SLC39A9: variants seen among roughly 807,000 people sequenced by gnomAD.
SLC39A9 encodes solute carrier family 39 member 9.
A neutral mutation model predicts 28.4 loss-of-function variants in SLC39A9; 14 were observed. That is an observed-to-expected ratio of 0.49 (90% CI 0.33 to 0.77). SLC39A9 has a LOEUF of 0.77. Among genes scored for constraint, SLC39A9 ranks in the 30% least tolerant of loss-of-function variants. The probability of loss-of-function intolerance (pLI) is 0.02; values close to 1 mark genes in which losing one functional copy is unlikely to be tolerated. For synonymous variants in SLC39A9, 119 were observed against 149.6 expected, an observed-to-expected ratio of 0.80 and a Z score of 1.49; for missense variants, 283 against 381.1, an observed-to-expected ratio of 0.74 and a Z score of 2.14.
intron 2 of SLC39A9, among the ~76,000 whole-genome samples, chr14:69,435,039 A>G (rs796231778): frequency 1.2e-4 from 19 of 152,334 alleles, no homozygotes; most frequent in African/African-American, 3.8e-4. Context: ...CGTTCCATGC[A>G]CACTTGAAAA....
intron 2 of SLC39A9, among the ~76,000 whole-genome samples, chr14:69,436,371 C>T (rs975464018): frequency 1.3e-5 from 2 of 152,082 alleles, no homozygotes; most frequent in South Asian, 2.1e-4. Context: ...TTGTCTTTTC[C>T]CTCGGTAATT....
At chr14:69,435,332 G>A (rs955711866) in intron 2 of SLC39A9, among the ~76,000 whole-genome samples, 5 of 152,282 alleles carry the variant, frequency 3.3e-5, no homozygotes, top group African/African-American at 1.2e-4. Flanking sequence ...TTGTTCACAA[G>A]TCTACTTCAT....
chr14:69,434,906 C>T (rs957759403), intron 2 of SLC39A9, among the ~76,000 whole-genome samples: 2 of 152,082 alleles, frequency 1.3e-5, no homozygotes, highest in African/African-American at 4.8e-5. Flanking sequence ...GCCCCCGATT[C>T]TTTCTGTTAC....
intron 2 of SLC39A9, among the ~76,000 whole-genome samples, chr14:69,440,075 G>A (rs529359475): frequency 4.3e-4 from 65 of 152,238 alleles, no homozygotes; most frequent in South Asian, 2.5e-3. Context: ...TCTTCACAAG[G>A]CCGCGGGAAG....
chr14:69,443,344 G>A (rs958441573), intron 3 of SLC39A9, among the ~76,000 whole-genome samples: 1 of 152,240 alleles, frequency 6.6e-6, no homozygotes. Flanking sequence ...ACTGTTAGAT[G>A]CAGAGCTACT....
At chr14:69,437,584 T>C (rs981133184) in intron 2 of SLC39A9, among the ~76,000 whole-genome samples, 1 of 151,050 alleles carries the variant, frequency 6.6e-6, no homozygotes, top group African/African-American at 2.4e-5. Flanking sequence ...TTAAAGAAGT[T>C]TTTTTGTTTG....
At chr14:69,452,963 T>C (rs1566925518) in intron 3 of SLC39A9, among the ~76,000 whole-genome samples, 2 of 152,084 alleles carry the variant, frequency 1.3e-5, no homozygotes, top group South Asian at 4.2e-4. Context: ...TCTGTTAAGG[T>C]AGGGCTGAGT....
chr14:69,455,638 G>A, intron 5 of SLC39A9, 94 bp from the exon 6 acceptor site: 1 of 1,526,440 alleles, frequency 6.6e-7, no homozygotes, highest in East Asian at 2.3e-5. Flanking sequence ...GTTTTTCTTT[G>A]TATGAGAAAT....
intron 3 of SLC39A9, among the ~76,000 whole-genome samples, chr14:69,445,274 CCT>C (rs1486889610): frequency 1.3e-5 from 2 of 152,044 alleles, no homozygotes; most frequent in African/African-American, 4.8e-5. Flanking sequence ...CTCTGCCACC[CCT>C]GAGACAGCAA....
intron 2 of SLC39A9, among the ~76,000 whole-genome samples, chr14:69,441,523 C>T (rs1465643242): frequency 6.6e-6 from 1 of 152,148 alleles, no homozygotes; most frequent in Non-Finnish European, 1.5e-5. Context: ...AAGGATGTGC[C>T]TCTTAAACTG....
intron 2 of SLC39A9, among the ~76,000 whole-genome samples, chr14:69,427,471 C>T (rs1158193328): frequency 2.0e-5 from 3 of 152,180 alleles, no homozygotes; most frequent in Admixed American, 2.0e-4. Context: ...ATCATTCACA[C>T]TTTAGGTGTA....
At chr14:69,416,753 G>A (rs1392055384) in intron 1 of SLC39A9, among the ~76,000 whole-genome samples, 4 of 152,116 alleles carry the variant, frequency 2.6e-5, no homozygotes, top group African/African-American at 4.8e-5. Context: ...TGTGTCTGTT[G>A]GCTGCATAAA....
rs1198352300 is a variant in SLC39A9 at position 69,459,646 on chromosome 14, C to T, written c.*1053C>T. ...GTCAGCTTTGGCGACACTGTGTCTT[C>T]TCACATAACCACCTGTAGCAAGATG... On this transcript the variant is annotated 3_prime_UTR_variant, in exon 7 of 7. Coordinates refer to ENST00000336643, the MANE Select transcript of SLC39A9 (RefSeq NM_018375.5). The T allele has an allele frequency of 1.0e-5, 10 of 983,844 alleles. No homozygotes were observed. The highest frequency in any genetic ancestry group is 1.2e-5 in the Non-Finnish European group (10 of 829,602). 60.9% of individuals were successfully genotyped at this position (983,844 alleles called of 1,614,324 possible).
chr14:69,442,429 G>C (rs930496961), intron 3 of SLC39A9, among the ~76,000 whole-genome samples, 163 bp downstream of exon 3: 1 of 152,210 alleles, frequency 6.6e-6, no homozygotes, highest in Non-Finnish European at 1.5e-5. Context: ...GAGCTAGTGA[G>C]TTGTGGCATG....
At chr14:69,431,648 G>T (rs1884500077) in intron 2 of SLC39A9, among the ~76,000 whole-genome samples, 1 of 151,608 alleles carries the variant, frequency 6.6e-6, no homozygotes, top group African/African-American at 2.4e-5. Flanking sequence ...GAGGTTTGGG[G>T]TACAAATGAT....
intron 1 of SLC39A9, among the ~76,000 whole-genome samples, chr14:69,413,379 A>G (rs1431965259): frequency 6.6e-6 from 1 of 152,136 alleles, no homozygotes; most frequent in Non-Finnish European, 1.5e-5. Context: ...ATTTTTTTTC[A>G]AAGAATCGAT....
In SLC39A9 at chr14:69,461,295, A is replaced by G; in HGVS notation, c.*2702A>G. On this transcript the variant is annotated 3_prime_UTR_variant, in exon 7 of 7. Transcript: ENST00000336643. Reference sequence around the variant, plus strand: ...GCTCTCTTAAATGGCAAATTAAGTTAAAGAATACTACTGCTCCATTCCCCT... The same window carrying G: ...GCTCTCTTAAATGGCAAATTAAGTTGAAGAATACTACTGCTCCATTCCCCT... 5 of 1,000,726 alleles carry G rather than the reference A, an allele frequency of 5.0e-6. No individual in the cohort carries two copies. Among genetic ancestry groups the G allele is most frequent in the Non-Finnish European group, 6.0e-6 (5 of 839,870 alleles). 62.0% of individuals were successfully genotyped at this position (1,000,726 alleles called of 1,614,324 possible).
chr14:69,461,651 C>A lies in SLC39A9; in HGVS notation c.*3058C>A. 1.3e-6 allele frequency: 2 copies of A among 1,527,742 alleles called. No homozygotes were observed. The highest frequency in any genetic ancestry group is 1.7e-6 in the Non-Finnish European group (2 of 1,143,122). The allele number at this position is 1,527,742 out of a possible 1,614,324, so 94.6% of individuals were successfully genotyped here. Reference sequence around the variant, plus strand: ...AAAATGTGATTGTGTTTTTTTTTTACCAGCCTACTTCTAAGTGTCACTGCC... The same window carrying A: ...AAAATGTGATTGTGTTTTTTTTTTAACAGCCTACTTCTAAGTGTCACTGCC... On this transcript the variant is annotated 3_prime_UTR_variant, in exon 7 of 7. Coordinates refer to ENST00000336643, the MANE Select transcript of SLC39A9 (RefSeq NM_018375.5).
chr14:69,401,354 A>G (rs553133772), intron 1 of SLC39A9, among the ~76,000 whole-genome samples: 5 of 152,286 alleles, frequency 3.3e-5, no homozygotes, highest in South Asian at 4.2e-4. Flanking sequence ...TGAACCTGCT[A>G]TGTTTCCTTT....
Sources: gnomAD v4.1 joint callset for allele counts (sites outside exome capture counted in the v4.1 genomes callset) on GRCh38, gnomAD v4.1.1 for gene constraint, MANE v1.5 for transcripts, NCBI Gene and HGNC (gene_info 2026-07-23, HGNC 2026-07-21) for gene names.